The following PARD3B variants were observed in gnomAD, a reference collection of about 807,000 sequenced individuals.
The protein encoded by PARD3B is partitioning defective 3 homolog B.
PARD3B carries 103 observed loss-of-function variants against 130.2 expected under a neutral mutation model. That is an observed-to-expected ratio of 0.79 (90% CI 0.67 to 0.93). The LOEUF is 0.93. Ranked by LOEUF, PARD3B falls within the 40% of genes least tolerant of loss-of-function variation. PARD3B has a pLI of 0.00. For synonymous variants in PARD3B, 583 were observed against 553.2 expected (o/e 1.05, Z -0.76); for missense variants, 1,609 against 1,499.2 (o/e 1.07, Z -1.21).
Position 205,390,179 on chromosome 2 carries a change from A to G in PARD3B, c.2631-10834A>G, listed in dbSNP as rs555318108. 9.2e-5 allele frequency among the ~76,000 whole-genome samples: 14 copies of G among 151,770 alleles called. 1 individual carries two copies. In the South Asian group the frequency reaches 2.5e-3, roughly 27 times the overall value. ...ATGCTTGACAAAAAAAAAAAGCTAC[A>G]TAATTTAAGATTTTTATGACACAAT... is the stretch of plus-strand genomic sequence containing the variant. On this transcript the variant is annotated intron_variant, in intron 18 of 22. Transcript: ENST00000406610.
intron 1 of PARD3B, among the ~76,000 whole-genome samples, chr2:204,560,716 A>G (rs1261672576): frequency 6.6e-6 from 1 of 152,134 alleles, no homozygotes; most frequent in Non-Finnish European, 1.5e-5. Flanking sequence ...GGAAGGAGTA[A>G]GGGTCAAAGC....
chr2:205,416,479 A>G (rs2046779913), intron 19 of PARD3B, among the ~76,000 whole-genome samples: 2 of 152,140 alleles, frequency 1.3e-5, no homozygotes, highest in Admixed American at 6.6e-5. Flanking sequence ...ATCAAGAAAA[A>G]TGTTGGGGGT....
intron 2 of PARD3B, among the ~76,000 whole-genome samples, chr2:204,915,433 A>T (rs893568472): frequency 6.6e-6 from 1 of 152,168 alleles, no homozygotes; most frequent in African/African-American, 2.4e-5. Context: ...GAAATTTGTT[A>T]TGCATCGTTT....
chr2:205,349,442 C>T (rs2043911976), intron 18 of PARD3B, among the ~76,000 whole-genome samples: 1 of 152,176 alleles, frequency 6.6e-6, no homozygotes, highest in Non-Finnish European at 1.5e-5. Context: ...TAGTAAGTAG[C>T]ATCCAATTTG....
intron 11 of PARD3B, among the ~76,000 whole-genome samples, chr2:205,159,777 C>G (rs1487350015): frequency 6.6e-6 from 1 of 152,134 alleles, no homozygotes; most frequent in African/African-American, 2.4e-5. Flanking sequence ...CTACTCTCTC[C>G]CTGTGCATGT....
chr2:205,555,458 C>G (rs1486789995), intron 22 of PARD3B, among the ~76,000 whole-genome samples: 1 of 152,176 alleles, frequency 6.6e-6, no homozygotes, highest in African/African-American at 2.4e-5. Context: ...ATTTCCAACT[C>G]TTGTTTATTT....
At chr2:204,928,960 G>T (rs1291981562) in intron 2 of PARD3B, among the ~76,000 whole-genome samples, 1 of 152,068 alleles carries the variant, frequency 6.6e-6, no homozygotes, top group Non-Finnish European at 1.5e-5. Flanking sequence ...GACCTGCATG[G>T]TCTCTGCCCT....
chr2:205,080,452 C>A (rs978431785), intron 4 of PARD3B, among the ~76,000 whole-genome samples: 3 of 152,044 alleles, frequency 2.0e-5, no homozygotes, highest in Non-Finnish European at 4.4e-5. Context: ...ATTTCTTACT[C>A]CTTGATATGA....
intron 18 of PARD3B, among the ~76,000 whole-genome samples, chr2:205,364,619 T>G (rs965698669): frequency 3.3e-5 from 5 of 152,194 alleles, no homozygotes; most frequent in Non-Finnish European, 7.3e-5. Flanking sequence ...GAATATCGTA[T>G]TACAAGGCAG....
chr2:204,801,703 C>T (rs2042576706), intron 2 of PARD3B, among the ~76,000 whole-genome samples: 1 of 152,188 alleles, frequency 6.6e-6, no homozygotes, highest in South Asian at 2.1e-4. Flanking sequence ...TTATTTCTTT[C>T]TCTTGCCTGA....
In PARD3B at chr2:205,092,554, G is replaced by A. The variant is rs150007744; in HGVS notation, c.505-11872G>A. Among the ~76,000 whole-genome samples, 28 of 152,306 alleles carry A rather than the reference G, an allele frequency of 1.8e-4. 2 individuals carry two copies. The East Asian group carries it at 4.1e-3, about 22-fold the overall frequency. The stretch of plus-strand genomic sequence containing the variant: ...CACCAATGAAGGCTAAGGAAATGCC[G>A]AAAGAAGAAAGAGCAATGGAAGAGG... On this transcript the variant is annotated intron_variant, in intron 4 of 22. Transcript: ENST00000406610.
At chr2:204,955,928 C>A (rs1328748938) in intron 2 of PARD3B, among the ~76,000 whole-genome samples, 3 of 152,104 alleles carry the variant, frequency 2.0e-5, no homozygotes, top group East Asian at 1.9e-4. Context: ...ATAATTATGG[C>A]AGACTTAAAC....
intron 1 of PARD3B, among the ~76,000 whole-genome samples, chr2:204,555,882 C>T (rs1322851072): frequency 6.6e-6 from 1 of 152,154 alleles, no homozygotes; most frequent in Non-Finnish European, 1.5e-5. Context: ...CCTAACCACC[C>T]TATTTATGAT....
intron 16 of PARD3B, among the ~76,000 whole-genome samples, chr2:205,296,026 A>T (rs1315965941): frequency 6.6e-6 from 1 of 152,206 alleles, no homozygotes; most frequent in Non-Finnish European, 1.5e-5. Flanking sequence ...ACGCATGATC[A>T]TATTTAAGAA....
rs561267862 is a variant in PARD3B at position 205,341,259 on chromosome 2, G to T, written c.2630+39558G>T. Reference sequence around the variant, plus strand: ...CACTACTGGGTATTTTTAAAGGAAAGGAGTCAGTATATCAAAGGGATACCT... The same window carrying T: ...CACTACTGGGTATTTTTAAAGGAAATGAGTCAGTATATCAAAGGGATACCT... On this transcript the variant is annotated intron_variant, in intron 18 of 22. Coordinates refer to ENST00000406610, the MANE Select transcript of PARD3B (RefSeq NM_001302769.2). The surrounding 1 kb of genome is among the most constrained non-coding windows in gnomAD (Gnocchi z 4.3). Among the ~76,000 whole-genome samples, 1 of 151,904 alleles carries T rather than the reference G, an allele frequency of 6.6e-6. No individual in the cohort carries two copies. Among genetic ancestry groups the T allele is most frequent in the South Asian group, 2.1e-4 (1 of 4,814 alleles).
chr2:204,630,004 A>G (rs1406394285), intron 1 of PARD3B, among the ~76,000 whole-genome samples: 1 of 152,190 alleles, frequency 6.6e-6, no homozygotes, highest in Non-Finnish European at 1.5e-5. Context: ...TCTAGAGTAT[A>G]TGTGCTCCTA....
chr2:205,238,003 A>G (rs1022213529), intron 15 of PARD3B, among the ~76,000 whole-genome samples: 1 of 152,174 alleles, frequency 6.6e-6, no homozygotes, highest in Non-Finnish European at 1.5e-5. Flanking sequence ...CTATAATTAT[A>G]TATATCTCAC....
chr2:204,854,509 T>A (rs1370092151), intron 2 of PARD3B, among the ~76,000 whole-genome samples: 10 of 152,138 alleles, frequency 6.6e-5, no homozygotes, highest in Admixed American at 6.5e-4. Flanking sequence ...TTTTCAAAGA[T>A]AATGATAATG....
At chr2:204,950,960 G>T (rs1048814715) in intron 2 of PARD3B, among the ~76,000 whole-genome samples, 1 of 152,204 alleles carries the variant, frequency 6.6e-6, no homozygotes, top group East Asian at 1.9e-4. Flanking sequence ...ACTATAAGGT[G>T]TATAAAACCT....
Sources: allele counts gnomAD v4.1 joint callset (sites outside exome capture counted in the v4.1 genomes callset), GRCh38; gene constraint gnomAD v4.1.1; non-coding constraint Gnocchi (gnomAD v3.1); transcripts MANE v1.5; gene names NCBI Gene and HGNC (gene_info 2026-07-23, HGNC 2026-07-21).